PTPRD: variants seen among roughly 807,000 people sequenced by gnomAD.
The protein encoded by PTPRD is protein tyrosine phosphatase receptor type D.
PTPRD carries 34 observed loss-of-function variants against 214.5 expected under a neutral mutation model. The ratio of observed to expected loss-of-function variants is 0.16; its 90% CI spans 0.12 to 0.21. PTPRD has a LOEUF of 0.21. Ranked by LOEUF, PTPRD falls within the 10% of genes least tolerant of loss-of-function variation. The pLI is 1.00. For synonymous variants in PTPRD, 1,128 were observed against 845.7 expected (o/e 1.33, Z -5.79); for missense variants, 2,545 against 2,398.7 (o/e 1.06, Z -1.27).
intron 8 of PTPRD, among the ~76,000 whole-genome samples, chr9:9,436,266 T>G (rs961841052): frequency 1.3e-5 from 2 of 152,116 alleles, no homozygotes; most frequent in African/African-American, 4.8e-5. Context: ...ATTTAACTCA[T>G]CCTTCAATGG....
intron 12 of PTPRD, among the ~76,000 whole-genome samples, chr9:8,678,128 G>C (rs1254405813): frequency 1.3e-5 from 2 of 152,170 alleles, no homozygotes; most frequent in Admixed American, 1.3e-4. Flanking sequence ...ATTTTTGAAA[G>C]TTTTGAACGC....
intron 39 of PTPRD, among the ~76,000 whole-genome samples, chr9:8,370,089 A>G (rs10758966): frequency 0.58 from 87,676 of 151,628 alleles, 28,419 homozygotes; most frequent in Non-Finnish European, 0.75. Flanking sequence ...AATGTAATCC[A>G]TGACCTCTTA....
intron 8 of PTPRD, among the ~76,000 whole-genome samples, chr9:9,401,572 C>T (rs2070511033): frequency 6.7e-6 from 1 of 149,912 alleles, no homozygotes; most frequent in African/African-American, 2.5e-5. Context: ...CAGCCTTTCT[C>T]TGTAAAACAA....
At chr9:10,438,976 G>C (rs1442603615) in intron 2 of PTPRD, among the ~76,000 whole-genome samples, 1 of 151,628 alleles carries the variant, frequency 6.6e-6, no homozygotes, top group African/African-American at 2.4e-5. Flanking sequence ...GCTTTTTGTT[G>C]TCCCCTGTTT....
At chr9:10,413,482 C>T (rs1373130853) in intron 2 of PTPRD, among the ~76,000 whole-genome samples, 1 of 151,834 alleles carries the variant, frequency 6.6e-6, no homozygotes, top group African/African-American at 2.4e-5. Context: ...TGGAAACATA[C>T]TCCACGCTCA....
chr9:9,622,558 G>T (rs150593303), intron 7 of PTPRD, among the ~76,000 whole-genome samples: 2 of 151,974 alleles, frequency 1.3e-5, no homozygotes. Flanking sequence ...TTTCTGATAC[G>T]CTGCATTTCC....
At chr9:9,987,834 T>C (rs936510154) in intron 4 of PTPRD, among the ~76,000 whole-genome samples, 5 of 152,152 alleles carry the variant, frequency 3.3e-5, no homozygotes, top group East Asian at 1.9e-4. Flanking sequence ...TAGTTGCAAA[T>C]TGGATGAAGA....
intron 12 of PTPRD, among the ~76,000 whole-genome samples, chr9:8,686,732 G>C (rs2097688895): frequency 6.6e-6 from 1 of 151,954 alleles, no homozygotes; most frequent in Non-Finnish European, 1.5e-5. Context: ...ACCAAAATGA[G>C]GAAATGGTAA....
rs893509882 is a variant in PTPRD, at chr9:9,092,701, T to C, written c.-142-73966A>G. Among the ~76,000 whole-genome samples the C allele has an allele frequency of 9.2e-5, 14 of 152,090 alleles. 1 individual carries two copies. Among genetic ancestry groups the C allele is most frequent in the Non-Finnish European group, 1.9e-4 (13 of 67,948 alleles). On this transcript the variant is annotated intron_variant, in intron 10 of 45. Transcript: ENST00000381196. ...AAATAGACAATGGATCTGAAACCAC[T>C]ATCATTTAAGATATACAAACTTAAT...
At chr9:10,345,956 T>A (rs1172047173) in intron 2 of PTPRD, among the ~76,000 whole-genome samples, 1 of 152,214 alleles carries the variant, frequency 6.6e-6, no homozygotes, top group Non-Finnish European at 1.5e-5. Context: ...ATCGCCATTC[T>A]AACTGATGTG....
At chr9:8,350,567 T>G (rs2075168839) in intron 39 of PTPRD, among the ~76,000 whole-genome samples, 1 of 152,164 alleles carries the variant, frequency 6.6e-6, no homozygotes, top group East Asian at 1.9e-4. Context: ...AGGCTGCCAT[T>G]GTGAAAACCT....
At chr9:8,904,069 C>G (rs998326644) in intron 11 of PTPRD, among the ~76,000 whole-genome samples, 3 of 152,132 alleles carry the variant, frequency 2.0e-5, no homozygotes, top group African/African-American at 7.2e-5. Context: ...TGCAATAATG[C>G]TACAGTGAAC....
intron 10 of PTPRD, among the ~76,000 whole-genome samples, chr9:9,128,069 G>A (rs1332624997): frequency 6.6e-6 from 1 of 152,124 alleles, no homozygotes; most frequent in Non-Finnish European, 1.5e-5. Context: ...TAAAAAAGAT[G>A]TGGGCATGAC....
chr9:8,788,896 T>C (rs539116702), intron 11 of PTPRD, among the ~76,000 whole-genome samples: 33 of 152,258 alleles, frequency 2.2e-4, no homozygotes, highest in Admixed American at 7.8e-4. Context: ...TTACATGTTA[T>C]GATGTTCTTA....
intron 7 of PTPRD, among the ~76,000 whole-genome samples, chr9:9,587,652 C>T (rs887765090): frequency 6.6e-6 from 1 of 151,930 alleles, no homozygotes; most frequent in African/African-American, 2.4e-5. Flanking sequence ...GGAATGGGAT[C>T]CAAAATTAGC....
At chr9:9,736,553 A>G (rs2098298643) in intron 6 of PTPRD, among the ~76,000 whole-genome samples, 1 of 152,206 alleles carries the variant, frequency 6.6e-6, no homozygotes, top group South Asian at 2.1e-4. Context: ...CTACTTTAGC[A>G]AATAATTTAA....
chr9:8,921,575 C>A lies in PTPRD; in HGVS notation c.-104+97122G>T, dbSNP rs541880974. Among the ~76,000 whole-genome samples, 4 of 152,120 alleles carry A rather than the reference C, an allele frequency of 2.6e-5. No homozygotes were observed. In the South Asian group the frequency reaches 6.2e-4, roughly 24 times the overall value. The stretch of plus-strand genomic sequence containing the variant: ...GTGGCACGATCTTGGCTCACTGCAA[C>A]CTCTGCCTCCCTGGTTAAAGTGATT... On this transcript the variant is annotated intron_variant, in intron 11 of 45. Coordinates refer to ENST00000381196, the MANE Select transcript of PTPRD (RefSeq NM_002839.4).
At chr9:8,726,252 C>G in intron 12 of PTPRD, among the ~76,000 whole-genome samples, 1 of 151,750 alleles carries the variant, frequency 6.6e-6, no homozygotes, top group Non-Finnish European at 1.5e-5. Flanking sequence ...TCTACGTAGG[C>G]AGGAGGGGAT....
At chr9:9,839,460 A>C (rs1377240229) in intron 5 of PTPRD, among the ~76,000 whole-genome samples, 3 of 152,174 alleles carry the variant, frequency 2.0e-5, no homozygotes, top group Non-Finnish European at 2.9e-5. Context: ...CAATTGCTTC[A>C]AAGAGAATAA....
Sources: allele counts gnomAD v4.1 joint callset (sites outside exome capture counted in the v4.1 genomes callset), GRCh38; gene constraint gnomAD v4.1.1; transcripts MANE v1.5; gene names NCBI Gene and HGNC (gene_info 2026-07-23, HGNC 2026-07-21).